GRAMD1A: variants seen among roughly 807,000 people sequenced by gnomAD.
GRAMD1A encodes the protein protein Aster-A.
A neutral mutation model predicts 92.0 loss-of-function variants in GRAMD1A; 50 were observed. That is an observed-to-expected ratio of 0.54 (90% CI 0.43 to 0.69). The LOEUF (loss-of-function observed/expected upper bound fraction) is 0.69. Among genes scored for constraint, GRAMD1A ranks in the 30% least tolerant of loss-of-function variants. GRAMD1A has a pLI of 0.00. For synonymous variants in GRAMD1A, 405 were observed against 403.6 expected (o/e 1.00, Z -0.04); for missense variants, 819 against 978.9 (o/e 0.84, Z 2.18).
chr19:34,995,571 G>GTT (rs59556577), upstream of GRAMD1A, among the ~76,000 whole-genome samples: 9 of 93,692 alleles, frequency 9.6e-5, no homozygotes, highest in South Asian at 3.5e-4. Flanking sequence ...CAGATCACGG[G>GTT]TTTTTTTTTT....
Position 35,014,207 on chromosome 19 carries a change from G to A in GRAMD1A, c.889G>A (p.Glu297Lys). Residue 297 changes from glutamate to lysine, a missense_variant, in exon 10 of 20, where the codon GAG becomes AAG. Glu to Lys is a moderately conservative substitution (Grantham distance 56). Coordinates refer to ENST00000317991, the MANE Select transcript of GRAMD1A (RefSeq NM_020895.5). ...ADHGAEEDKEEQVDSQPDASS... is the reference protein window; with the variant it reads ...ADHGAEEDKEKQVDSQPDASS... ...TCCACAGGCAGAGGAGGACAAGGAG[G>A]AGCAGGTAGACAGCCAGCCAGACGC... 1 of 1,613,642 alleles carries A rather than the reference G, an allele frequency of 6.2e-7. No individual in the cohort carries two copies. The highest frequency in any genetic ancestry group is 8.5e-7 in the Non-Finnish European group (1 of 1,180,002).
At position 35,021,410 on chromosome 19, in the gene GRAMD1A, A is replaced by G; in HGVS notation, c.1476-92A>G. 2.2e-6 allele frequency: 2 copies of G among 926,710 alleles called. No homozygotes were observed. Among genetic ancestry groups the G allele is most frequent in the Non-Finnish European group, 3.5e-6 (2 of 564,008 alleles). The allele number at this position is 926,710 out of a possible 1,614,324, so 57.4% of individuals were successfully genotyped here. ...TGTGAGTGACAAGGGGCCCTCTCTG[A>G]ATTAGGGGAAGGAAAAAACTCAGCT... On this transcript the variant is annotated intron_variant, in intron 13 of 19. Transcript: ENST00000317991. This position sits in a 1 kb window ranked among gnomAD's most constrained non-coding sequence, Gnocchi z 5.3.
intron 11 of GRAMD1A, among the ~76,000 whole-genome samples, chr19:35,017,473 A>T (rs1171887750): frequency 6.6e-6 from 1 of 151,366 alleles, no homozygotes; most frequent in Non-Finnish European, 1.5e-5. Context: ...ACAAAGAGAA[A>T]CTCCCATCTG....
chr19:35,014,700 A>G, intron 10 of GRAMD1A: 1 of 413,914 alleles, frequency 2.4e-6, no homozygotes, highest in South Asian at 2.3e-5. Flanking sequence ...GTTAACAATG[A>G]TAATACCCAC....
At chr19:35,026,014 G>A (rs767097804) in intron 19 of GRAMD1A, 35 bp from the exon 20 acceptor site, 31 of 1,097,428 alleles carry the variant, frequency 2.8e-5, no homozygotes, top group South Asian at 8.6e-5. Context: ...AGCCTCCAGC[G>A]TTCACCCCCG....
At chr19:35,024,192 A>C (rs116832477) in intron 19 of GRAMD1A, among the ~76,000 whole-genome samples, 2,694 of 152,138 alleles carry the variant, frequency 0.018, 78 homozygotes, top group African/African-American at 0.062. Context: ...GTGGCCGTGG[A>C]CTCCTCTGTG....
At chr19:35,012,596 A>G (rs2015317846) in intron 7 of GRAMD1A, among the ~76,000 whole-genome samples, 1 of 152,212 alleles carries the variant, frequency 6.6e-6, no homozygotes, top group African/African-American at 2.4e-5. Flanking sequence ...GGCTTGACCA[A>G]GTCACTTGGT....
intron 1 of GRAMD1A, among the ~76,000 whole-genome samples, chr19:35,006,120 G>A (rs1414757492): frequency 6.6e-6 from 1 of 152,180 alleles, no homozygotes; most frequent in Non-Finnish European, 1.5e-5. Flanking sequence ...CTGAGCTCAG[G>A]AGTTCGAGAC....
At chr19:35,017,243 T>C (rs1251345926) in intron 11 of GRAMD1A, among the ~76,000 whole-genome samples, 1 of 152,082 alleles carries the variant, frequency 6.6e-6, no homozygotes, top group African/African-American at 2.4e-5. Context: ...CTATACAGCC[T>C]GTGGAACTGT....
intron 1 of GRAMD1A, among the ~76,000 whole-genome samples, chr19:35,008,260 C>T (rs967034523): frequency 1.7e-4 from 26 of 151,896 alleles, no homozygotes; most frequent in African/African-American, 5.6e-4. Flanking sequence ...ACCCAGGAGG[C>T]GAAGGTTACA....
At chr19:35,007,869 T>C (rs954312424) in intron 1 of GRAMD1A, among the ~76,000 whole-genome samples, 6 of 151,056 alleles carry the variant, frequency 4.0e-5, no homozygotes, top group Non-Finnish European at 8.8e-5. Context: ...CGAGACCCTA[T>C]CTCTAAAAAG....
chr19:35,002,067 CCT>C (rs1491537496), intron 1 of GRAMD1A, among the ~76,000 whole-genome samples: 2 of 152,092 alleles, frequency 1.3e-5, no homozygotes, highest in Non-Finnish European at 2.9e-5. Context: ...GGTGCCTAGG[CCT>C]CTCTGTGTAC....
chr19:35,006,556 C>T (rs2014830951), intron 1 of GRAMD1A, among the ~76,000 whole-genome samples: 2 of 152,306 alleles, frequency 1.3e-5, no homozygotes, highest in East Asian at 1.9e-4. Context: ...TATTACAGTT[C>T]GTGTTTGCAC....
intron 11 of GRAMD1A, among the ~76,000 whole-genome samples, chr19:35,016,774 G>A (rs552556707): frequency 5.9e-5 from 9 of 151,682 alleles, no homozygotes; most frequent in African/African-American, 1.2e-4. Flanking sequence ...GCATGGTGGC[G>A]AGCACCTGTA....
rs7251988 is a variant in GRAMD1A, at chr19:35,013,723, C to A, written c.870+32C>A. 0.39 allele frequency: 621,992 copies of A among 1,577,010 alleles called. 125,867 individuals carry two copies. The highest frequency in any genetic ancestry group is 0.51 in the Middle Eastern group (2,357 of 4,596). On this transcript the variant is annotated intron_variant, in intron 9 of 19. Transcript: ENST00000317991. The surrounding 1 kb of genome is among the most constrained non-coding windows in gnomAD (Gnocchi z 4.9). ...GGTGGGTTGGAAGAGGGGTGGGATA[C>A]TGATAGGAAGAGAGAGGAGGGCTGG...
At chr19:35,007,968 G>A (rs918233515) in intron 1 of GRAMD1A, among the ~76,000 whole-genome samples, 2 of 152,150 alleles carry the variant, frequency 1.3e-5, no homozygotes, top group African/African-American at 4.8e-5. Flanking sequence ...TTTTAGCTCC[G>A]ACAACTGAGT....
In GRAMD1A at chr19:35,009,202, C is replaced by T; in HGVS notation, c.92C>T (p.Pro31Leu). 6.2e-7 allele frequency: 1 copy of T among 1,613,768 alleles called. No individual in the cohort carries two copies. The highest frequency in any genetic ancestry group is 8.5e-7 in the Non-Finnish European group (1 of 1,179,678). ...CTGCAGCTCCTGCCCCCAAGCCGGC[C>T]CCCACCTGAGCCAGAACCAGGCACC... is the stretch of plus-strand genomic sequence containing the variant. ...KRLQLLPPSR[P>L]PPEPEPGTMV... is the part of the protein sequence containing the mutation. Residue 31 changes from proline (P) to leucine (L), a missense_variant, in exon 2 of 20, where the codon CCC (proline) becomes CTC (leucine). Pro to Leu is a moderately conservative substitution (Grantham distance 98). Coordinates refer to ENST00000317991, the MANE Select transcript of GRAMD1A (RefSeq NM_020895.5).
At position 35,011,600 on chromosome 19, in the gene GRAMD1A, G is replaced by A. The variant is rs765330119; in HGVS notation, c.606+46G>A. 1.3e-5 allele frequency: 18 copies of A among 1,380,926 alleles called. No individual in the cohort carries two copies. In the African/African-American group the frequency reaches 2.6e-4, roughly 20 times the overall value. The allele number at this position is 1,380,926 out of a possible 1,614,324, so 85.5% of individuals were successfully genotyped here. On this transcript the variant is annotated intron_variant, in intron 7 of 19. Coordinates refer to ENST00000317991, the MANE Select transcript of GRAMD1A (RefSeq NM_020895.5). ...GGTGGGGATGGGGGGTTTCCAGGGG[G>A]ACCATGGAGCCAGGGACCCCAGAAC...
In GRAMD1A at chr19:35,019,240, G is replaced by T. The variant is rs2015861321; in HGVS notation, c.1263G>T (p.Arg421=). The change falls in exon 12 of 20, where the codon CGG becomes CGT. Residue 421 remains arginine, a synonymous_variant. Transcript: ENST00000317991. ...GGGACAGCAAGTGCCACCAGCGCCG[G>T]GTGCTGACGTACACCATCCCCATCA... ...WSGDSKCHQR[R]VLTYTIPISN... 1.2e-6 allele frequency: 2 copies of T among 1,613,310 alleles called. No individual in the cohort carries two copies. Among genetic ancestry groups the T allele is most frequent in the African/African-American group, 1.3e-5 (1 of 74,868 alleles).
Sources: allele counts gnomAD v4.1 joint callset (sites outside exome capture counted in the v4.1 genomes callset), GRCh38; gene constraint gnomAD v4.1.1; non-coding constraint Gnocchi (gnomAD v3.1); transcripts MANE v1.5; gene names NCBI Gene and HGNC (gene_info 2026-07-23, HGNC 2026-07-21).